NCKAP1: variants seen among roughly 807,000 people sequenced by gnomAD.
NCKAP1 encodes nck-associated protein 1.
NCKAP1 carries 21 observed loss-of-function variants against 151.2 expected under a neutral mutation model. That is an observed-to-expected ratio of 0.14 (90% CI 0.10 to 0.20). The LOEUF (loss-of-function observed/expected upper bound fraction) is 0.20. Ranked by LOEUF, NCKAP1 falls within the 10% of genes least tolerant of loss-of-function variation. The pLI is 1.00. For synonymous variants in NCKAP1, 484 were observed against 451.8 expected (o/e 1.07, Z -0.90); for missense variants, 933 against 1,352.1 (o/e 0.69, Z 4.86).
intron 18 of NCKAP1, among the ~76,000 whole-genome samples, 188 bp from the exon 19 acceptor site, chr2:182,957,784 C>T (rs1697356172): frequency 2.0e-5 from 3 of 152,156 alleles, no homozygotes; most frequent in Admixed American, 1.3e-4. Flanking sequence ...TTGGTGAAAA[C>T]AGAAACGGGT....
At chr2:182,929,640 T>G (rs1696719313) in intron 27 of NCKAP1, among the ~76,000 whole-genome samples, 1 of 151,830 alleles carries the variant, frequency 6.6e-6, no homozygotes, top group African/African-American at 2.4e-5. Flanking sequence ...CTGAAATATG[T>G]TTTAAAGATT....
intron 7 of NCKAP1, among the ~76,000 whole-genome samples, chr2:182,995,241 T>A (rs1698245508): frequency 6.6e-6 from 1 of 152,230 alleles, no homozygotes; most frequent in African/African-American, 2.4e-5. Context: ...AAAAGACATT[T>A]ATGTGTCTGA....
intron 1 of NCKAP1, among the ~76,000 whole-genome samples, chr2:183,033,497 C>T (rs1281314094): frequency 3.9e-5 from 6 of 152,220 alleles, no homozygotes; most frequent in African/African-American, 1.4e-4. Flanking sequence ...AATATCTATA[C>T]ATCTCTCTCC....
intron 18 of NCKAP1, among the ~76,000 whole-genome samples, chr2:182,960,391 C>T (rs1697421340): frequency 6.6e-6 from 1 of 152,088 alleles, no homozygotes; most frequent in Non-Finnish European, 1.5e-5. Flanking sequence ...GAGATATAGA[C>T]CAATGGAACA....
At chr2:183,035,674 T>A (rs936887558) in intron 1 of NCKAP1, among the ~76,000 whole-genome samples, 2 of 152,196 alleles carry the variant, frequency 1.3e-5, no homozygotes, top group Admixed American at 1.3e-4. Context: ...ATGTTTCAAT[T>A]CCTAGCCAGC....
chr2:183,031,328 A>C (rs1699000160), intron 1 of NCKAP1, among the ~76,000 whole-genome samples: 1 of 152,234 alleles, frequency 6.6e-6, no homozygotes, highest in Admixed American at 6.5e-5. Flanking sequence ...TCAGCTTCCA[A>C]TATACAGGAT....
chr2:183,033,463 T>G (rs1212897228), intron 1 of NCKAP1, among the ~76,000 whole-genome samples: 1 of 152,216 alleles, frequency 6.6e-6, no homozygotes, highest in Non-Finnish European at 1.5e-5. Flanking sequence ...CCGACAATCC[T>G]ACTTACACAC....
Position 182,915,455 on chromosome 2 carries a change from C to T in NCKAP1, c.*10247G>A, listed in dbSNP as rs985572589. 6.6e-6 allele frequency: 1 copy of T among 152,224 alleles called. No homozygotes were observed. Among genetic ancestry groups the T allele is most frequent in the Non-Finnish European group, 1.5e-5 (1 of 68,068 alleles). 9.4% of individuals were successfully genotyped at this position (152,224 alleles called of 1,614,324 possible). Reference sequence around the variant, plus strand: ...CACAACTCACTAGAGCAGGTATCAGCTGCTCCCTCTAGTCACTTTCTGGGT... The same window carrying T: ...CACAACTCACTAGAGCAGGTATCAGTTGCTCCCTCTAGTCACTTTCTGGGT... On this transcript the variant is annotated 3_prime_UTR_variant, in exon 31 of 31. Coordinates refer to ENST00000361354, the MANE Select transcript of NCKAP1 (RefSeq NM_013436.5).
At chr2:182,978,072 G>A (rs1697861849) in intron 14 of NCKAP1, among the ~76,000 whole-genome samples, 1 of 152,010 alleles carries the variant, frequency 6.6e-6, no homozygotes, top group South Asian at 2.1e-4. Flanking sequence ...AGAAACTTTG[G>A]ACAGCATGCT....
intron 29 of NCKAP1, among the ~76,000 whole-genome samples, chr2:182,927,735 C>G (rs546031147): frequency 6.6e-6 from 1 of 151,874 alleles, no homozygotes; most frequent in African/African-American, 2.4e-5. Context: ...CTCTCTTGGC[C>G]TCAATTTTCC....
intron 20 of NCKAP1, among the ~76,000 whole-genome samples, chr2:182,955,327 T>C (rs974264197): frequency 1.3e-5 from 2 of 152,190 alleles, no homozygotes; most frequent in Admixed American, 1.3e-4. Flanking sequence ...GAAAACCTTT[T>C]GGCAAAATTT....
intron 20 of NCKAP1, among the ~76,000 whole-genome samples, 166 bp downstream of exon 20, chr2:182,956,296 T>G (rs1034828913): frequency 6.6e-6 from 1 of 152,184 alleles, no homozygotes; most frequent in Non-Finnish European, 1.5e-5. Flanking sequence ...CACCTCGGCC[T>G]CCCAAAGTGC....
chr2:183,025,973 CAG>C (rs1224417972), intron 1 of NCKAP1, among the ~76,000 whole-genome samples: 6 of 152,246 alleles, frequency 3.9e-5, no homozygotes, highest in Middle Eastern at 3.4e-3. Flanking sequence ...ATGAAAATGA[CAG>C]ATCACCATAT....
intron 24 of NCKAP1, among the ~76,000 whole-genome samples, chr2:182,938,480 G>A (rs917956552): frequency 8.5e-5 from 13 of 152,122 alleles, no homozygotes; most frequent in African/African-American, 3.1e-4. Context: ...TCTTGCAAAT[G>A]AGTAGTCACC....
intron 17 of NCKAP1, 23 bp from the exon 18 acceptor site, chr2:182,962,301 A>G (rs942536547): frequency 6.4e-7 from 1 of 1,567,734 alleles, no homozygotes; most frequent in South Asian, 1.2e-5. Flanking sequence ...AATAATAATA[A>G]TAATACAAGT....
intron 13 of NCKAP1, among the ~76,000 whole-genome samples, chr2:182,980,280 G>A (rs545506750): frequency 3.6e-4 from 55 of 151,736 alleles, no homozygotes; most frequent in Non-Finnish European, 6.3e-4. Context: ...TAGAATACTA[G>A]CTTGTAACAG....
chr2:182,951,487 G>A (rs921793236), intron 23 of NCKAP1, among the ~76,000 whole-genome samples: 2 of 151,484 alleles, frequency 1.3e-5, no homozygotes, highest in African/African-American at 4.8e-5. Context: ...TGGCCAACAC[G>A]GTGAAACACC....
intron 18 of NCKAP1, 24 bp from the exon 19 acceptor site, chr2:182,957,620 C>T (rs768971801): frequency 6.2e-7 from 1 of 1,606,922 alleles, no homozygotes; most frequent in Admixed American, 1.7e-5. Flanking sequence ...AGAATGAAAT[C>T]TTACATTACA....
intron 15 of NCKAP1, among the ~76,000 whole-genome samples, chr2:182,973,101 T>C (rs951090220): frequency 6.6e-6 from 1 of 152,172 alleles, no homozygotes; most frequent in African/African-American, 2.4e-5. Context: ...ACTACCCAGA[T>C]TTGTTCATTA....
Sources: gnomAD v4.1 joint callset for allele counts (sites outside exome capture counted in the v4.1 genomes callset) on GRCh38, gnomAD v4.1.1 for gene constraint, MANE v1.5 for transcripts, NCBI Gene and HGNC (gene_info 2026-07-23, HGNC 2026-07-21) for gene names.